Variants in ADAMTSL1 observed in about 807,000 individuals in gnomAD.
ADAMTSL1 encodes the protein ADAMTS like 1.
In ADAMTSL1, 126 loss-of-function variants were observed where a neutral mutation model predicts 201.8. The ratio of observed to expected loss-of-function variants is 0.62; its 90% confidence interval spans 0.54 to 0.72. The LOEUF (loss-of-function observed/expected upper bound fraction) is 0.72. ADAMTSL1 is among the 30% of genes least tolerant of loss of function. ADAMTSL1 has a pLI of 0.00. For missense variants in ADAMTSL1, 2,679 were observed against 2,277.8 expected, an observed-to-expected ratio of 1.18 and a Z score of -3.59; for synonymous variants, 1,121 against 903.4, an observed-to-expected ratio of 1.24 and a Z score of -4.32.
At chr9:18,239,719 G>A (rs1325027739) in intron 2 of ADAMTSL1, among the ~76,000 whole-genome samples, 2 of 151,976 alleles carry the variant, frequency 1.3e-5, no homozygotes, top group Non-Finnish European at 2.9e-5. Context: ...CCGCACTCCA[G>A]CCTGGGTGTC....
chr9:18,395,378 A>G (rs4961644), intron 2 of ADAMTSL1, among the ~76,000 whole-genome samples: 47,394 of 152,044 alleles, frequency 0.31, 7,647 homozygotes, highest in African/African-American at 0.39. Flanking sequence ...GTCGATCTAA[A>G]GTTTGCAGCA....
At chr9:17,958,918 C>G (rs1051551047) in intron 1 of ADAMTSL1, among the ~76,000 whole-genome samples, 1 of 152,060 alleles carries the variant, frequency 6.6e-6, no homozygotes, top group Non-Finnish European at 1.5e-5. Context: ...TGCTGTCATA[C>G]CTTAAATCAA....
At chr9:18,792,328 G>A (rs991940272) in intron 19 of ADAMTSL1, among the ~76,000 whole-genome samples, 1 of 152,298 alleles carries the variant, frequency 6.6e-6, no homozygotes, top group South Asian at 2.1e-4. Context: ...ACTTCAACTG[G>A]ATTTTAGAAG....
intron 3 of ADAMTSL1, among the ~76,000 whole-genome samples, chr9:18,538,106 C>G (rs1393180054): frequency 6.6e-6 from 1 of 152,030 alleles, no homozygotes; most frequent in Non-Finnish European, 1.5e-5. Context: ...CAGGCTCACT[C>G]TGGAGAATGG....
chr9:17,985,640 A>G (rs1818895417), intron 1 of ADAMTSL1, among the ~76,000 whole-genome samples: 1 of 152,154 alleles, frequency 6.6e-6, no homozygotes, highest in Non-Finnish European at 1.5e-5. Context: ...TTTTACTCTG[A>G]ATGAGCAACT....
At chr9:17,970,906 C>G (rs553223055) in intron 1 of ADAMTSL1, among the ~76,000 whole-genome samples, 7 of 151,980 alleles carry the variant, frequency 4.6e-5, no homozygotes, top group African/African-American at 1.7e-4. Flanking sequence ...CCTTGGAGCA[C>G]AGAAAAAGAT....
At chr9:17,990,561 A>G (rs889529451) in intron 1 of ADAMTSL1, among the ~76,000 whole-genome samples, 3 of 151,988 alleles carry the variant, frequency 2.0e-5, no homozygotes, top group Non-Finnish European at 4.4e-5. Flanking sequence ...CATTGCACTT[A>G]TTGACCTTAT....
chr9:17,950,779 G>A (rs1827703662), intron 1 of ADAMTSL1, among the ~76,000 whole-genome samples: 1 of 152,068 alleles, frequency 6.6e-6, no homozygotes, highest in African/African-American at 2.4e-5. Flanking sequence ...GGTAACTGGG[G>A]AGAATTTAAT....
At chr9:18,229,967 G>C in intron 2 of ADAMTSL1, among the ~76,000 whole-genome samples, 1 of 152,134 alleles carries the variant, frequency 6.6e-6, no homozygotes, top group Admixed American at 6.5e-5. Context: ...TAAGTGCTAG[G>C]ATTACAGGTG....
intron 2 of ADAMTSL1, among the ~76,000 whole-genome samples, chr9:18,233,864 G>A (rs927849180): frequency 1.3e-5 from 2 of 152,170 alleles, no homozygotes; most frequent in Non-Finnish European, 2.9e-5. Flanking sequence ...AGAGGCAAGG[G>A]AGGCACAGTA....
chr9:18,418,730 G>A (rs775587812), intron 2 of ADAMTSL1, among the ~76,000 whole-genome samples: 2 of 152,140 alleles, frequency 1.3e-5, no homozygotes, highest in African/African-American at 4.8e-5. Flanking sequence ...CTTATTTATG[G>A]ACAAGAATAC....
chr9:18,401,684 C>CT (rs536115723), intron 2 of ADAMTSL1, among the ~76,000 whole-genome samples: 20 of 152,172 alleles, frequency 1.3e-4, no homozygotes, highest in Non-Finnish European at 1.8e-4. Flanking sequence ...TTCTTGCCTT[C>CT]TTTTTTTTAC....
intron 23 of ADAMTSL1, among the ~76,000 whole-genome samples, chr9:18,833,033 T>A (rs1465355284): frequency 1.3e-5 from 2 of 152,178 alleles, no homozygotes; most frequent in Non-Finnish European, 2.9e-5. Context: ...AACTGGCTGT[T>A]TTAGTTATCG....
At chr9:18,402,242 TAAG>T (rs935836094) in intron 2 of ADAMTSL1, among the ~76,000 whole-genome samples, 1 of 152,196 alleles carries the variant, frequency 6.6e-6, no homozygotes, top group Non-Finnish European at 1.5e-5. Flanking sequence ...CTGCCTAAAA[TAAG>T]AAGAAACCCT....
chr9:18,626,941 T>C (rs1015788296), intron 5 of ADAMTSL1, among the ~76,000 whole-genome samples: 4 of 142,940 alleles, frequency 2.8e-5, no homozygotes, highest in African/African-American at 1.1e-4. Flanking sequence ...TTTCTTTCCT[T>C]TCTTTCTTTC....
chr9:18,453,243 G>C (rs542900594), intron 2 of ADAMTSL1, among the ~76,000 whole-genome samples: 3 of 152,270 alleles, frequency 2.0e-5, no homozygotes, highest in South Asian at 2.1e-4. Context: ...AGAATGCAGA[G>C]AGCAGAGACC....
chr9:18,121,101 A>T (rs995755267), intron 1 of ADAMTSL1, among the ~76,000 whole-genome samples: 19 of 152,224 alleles, frequency 1.2e-4, no homozygotes, highest in African/African-American at 4.6e-4. Context: ...TTGATTGCAG[A>T]TGGTAAGAGA....
chr9:18,827,429 C>T (rs1228373384), intron 22 of ADAMTSL1, among the ~76,000 whole-genome samples: 3 of 151,966 alleles, frequency 2.0e-5, no homozygotes, highest in Non-Finnish European at 2.9e-5. Flanking sequence ...CTAGACCCTG[C>T]CCACTCAGAT....
intron 2 of ADAMTSL1, among the ~76,000 whole-genome samples, chr9:18,413,812 C>A (rs2133326679): frequency 6.6e-6 from 1 of 152,258 alleles, no homozygotes; most frequent in Non-Finnish European, 1.5e-5. Flanking sequence ...TCCATCATGG[C>A]AGAATTATTT....
Sources: allele counts gnomAD v4.1 joint callset (sites outside exome capture counted in the v4.1 genomes callset), GRCh38; gene constraint gnomAD v4.1.1; transcripts MANE v1.5; gene names NCBI Gene and HGNC (gene_info 2026-07-23, HGNC 2026-07-21).